Variants in VOPP1 observed in about 807,000 individuals in gnomAD.
The protein encoded by VOPP1 is VOPP1 WW domain binding protein, also known as WW domain binding protein VOPP1.
VOPP1 carries 8 observed loss-of-function variants against 23.5 expected under a neutral mutation model. That is an observed-to-expected ratio of 0.34 (90% CI 0.20 to 0.61). The LOEUF is 0.61. VOPP1 is among the 20% of genes least tolerant of loss of function. The pLI is 0.78. For missense variants in VOPP1, 174 were observed against 238.1 expected (o/e 0.73, Z 1.77); for synonymous variants, 83 against 97.3 (o/e 0.85, Z 0.86).
chr7:55,516,750 G>C (rs1795436277), intron 2 of VOPP1, among the ~76,000 whole-genome samples: 1 of 151,928 alleles, frequency 6.6e-6, no homozygotes, highest in African/African-American at 2.4e-5. Context: ...ATTTTCTGCA[G>C]GGGAAGGAAA....
chr7:55,496,919 G>A (rs1793994172), intron 3 of VOPP1, among the ~76,000 whole-genome samples: 1 of 152,224 alleles, frequency 6.6e-6, no homozygotes, highest in Admixed American at 6.5e-5. Context: ...TACAAGAAAT[G>A]CTGCTTTGGT....
chr7:55,572,304 C>T lies in VOPP1; in HGVS notation c.21G>A (p.Lys7=). The change falls in exon 1 of 5, where the codon AAG becomes AAA. Residue 7 remains lysine, a synonymous_variant. Coordinates refer to ENST00000285279, the MANE Select transcript of VOPP1 (RefSeq NM_030796.5). The part of the protein sequence containing the change: MRRQPA[K]VAALLLGLLL... The stretch of plus-strand genomic sequence containing the variant: ...GCAGCCCGAGCAGCAGCGCCGCCAC[C>T]TTCGCAGGCTGGCGCCTCATGGCTC... 8 of 1,510,412 alleles carry T rather than the reference C, an allele frequency of 5.3e-6. No homozygotes were observed. The highest frequency in any genetic ancestry group is 7.0e-6 in the Non-Finnish European group (8 of 1,138,368). 93.6% of individuals were successfully genotyped at this position (1,510,412 alleles called of 1,614,324 possible). A position where few individuals can be genotyped will look rare whatever the true frequency, so the allele number is the denominator to read the frequency against.
intron 1 of VOPP1, among the ~76,000 whole-genome samples, chr7:55,541,467 G>T (rs1234677171): frequency 1.3e-5 from 2 of 152,182 alleles, no homozygotes; most frequent in African/African-American, 4.8e-5. Context: ...ACAATAACAA[G>T]TATTGGCGAA....
chr7:55,494,182 A>G (rs1793782733), intron 3 of VOPP1, among the ~76,000 whole-genome samples: 1 of 152,242 alleles, frequency 6.6e-6, no homozygotes, highest in Non-Finnish European at 1.5e-5. Context: ...CTCGGCATCA[A>G]GAACACTCAC....
At chr7:55,513,376 C>T (rs1365827982) in intron 2 of VOPP1, among the ~76,000 whole-genome samples, 2 of 152,194 alleles carry the variant, frequency 1.3e-5, no homozygotes, top group Non-Finnish European at 2.9e-5. Context: ...AGCGGTTTGA[C>T]AACATGCAGC....
At chr7:55,544,478 C>T (rs1249653558) in intron 1 of VOPP1, among the ~76,000 whole-genome samples, 1 of 151,950 alleles carries the variant, frequency 6.6e-6, no homozygotes, top group African/African-American at 2.4e-5. Context: ...TGGTGTCCAT[C>T]GGATGAAAAA....
At chr7:55,451,107 CCTT>C (rs1262905084) in intron 4 of VOPP1, among the ~76,000 whole-genome samples, 11 of 152,178 alleles carry the variant, frequency 7.2e-5, no homozygotes, top group Non-Finnish European at 1.5e-4. Context: ...ATTCCCTTCA[CCTT>C]CTTCTTGCGG....
At chr7:55,501,738 G>A (rs1453466579) in intron 2 of VOPP1, among the ~76,000 whole-genome samples, 1 of 152,124 alleles carries the variant, frequency 6.6e-6, no homozygotes, top group African/African-American at 2.4e-5. Flanking sequence ...ACGTGCTGAT[G>A]GTGAGGGAGG....
At position 55,551,433 on chromosome 7, in the gene VOPP1, C is replaced by CT. The variant is rs35480105; in HGVS notation, c.54+20837dup. ...AATGCTTTCCCTTCAAAATCGGGTT[C>CT]TGAGTGCTCCCCAAAGCATGCCTCG... On this transcript the variant is annotated intron_variant, in intron 1 of 4. Transcript: ENST00000285279. 7.4e-3 allele frequency among the ~76,000 whole-genome samples: 1,121 copies of CT among 152,354 alleles called. 40 individuals are homozygous for CT. Among genetic ancestry groups the CT allele is most frequent in the Admixed American group, 0.065 (989 of 15,304 alleles).
intron 4 of VOPP1, among the ~76,000 whole-genome samples, chr7:55,454,734 C>T (rs779161630): frequency 1.4e-4 from 21 of 152,090 alleles, no homozygotes; most frequent in African/African-American, 2.9e-4. Context: ...AAAAGGTCTT[C>T]GACAAAATTC....
chr7:55,445,220 C>CACACACAGACAT, intron 4 of VOPP1, among the ~76,000 whole-genome samples: 1 of 148,792 alleles, frequency 6.7e-6, no homozygotes. Context: ...CACACAGACA[C>CACACACAGACAT]ACACACACAG....
At chr7:55,522,188 C>T (rs866711124) in intron 1 of VOPP1, among the ~76,000 whole-genome samples, 11 of 152,188 alleles carry the variant, frequency 7.2e-5, no homozygotes, top group South Asian at 2.1e-4. Flanking sequence ...CCTCCTGCCA[C>T]GATTGCCCTG....
rs572527405 is a variant in VOPP1 at position 55,540,743 on chromosome 7, T to A, written c.55-19613A>T. Among the ~76,000 whole-genome samples the A allele has an allele frequency of 3.9e-5, 6 of 152,334 alleles. No homozygotes were observed. The South Asian group carries it at 1.2e-3, about 32-fold the overall frequency. ...CTAAGTGTCAGGTCTTCACCTCCGC[T>A]GCGGCCTCAACGCAGGGAATTTACT... On this transcript the variant is annotated intron_variant, in intron 1 of 4. Coordinates refer to ENST00000285279, the MANE Select transcript of VOPP1 (RefSeq NM_030796.5).
chr7:55,450,845 A>G (rs1014818895), intron 4 of VOPP1, among the ~76,000 whole-genome samples: 9 of 152,236 alleles, frequency 5.9e-5, no homozygotes, highest in South Asian at 2.1e-4. Flanking sequence ...TGTGCACTGA[A>G]TACTAGGTCT....
chr7:55,442,500 C>A (rs749118855), intron 4 of VOPP1, among the ~76,000 whole-genome samples: 25 of 152,252 alleles, frequency 1.6e-4, no homozygotes, highest in Admixed American at 7.8e-4. Context: ...GTGTCTCAAC[C>A]TGACAAGGAT....
At chr7:55,550,365 A>G (rs1465588072) in intron 1 of VOPP1, among the ~76,000 whole-genome samples, 1 of 152,242 alleles carries the variant, frequency 6.6e-6, no homozygotes, top group Admixed American at 6.5e-5. Context: ...CACAGGCAAC[A>G]CTTATTTTTG....
At chr7:55,560,282 G>A (rs117169108) in intron 1 of VOPP1, among the ~76,000 whole-genome samples, 1,668 of 152,182 alleles carry the variant, frequency 0.011, 11 homozygotes, top group Middle Eastern at 0.02. Context: ...AGATGTCATC[G>A]TCCTAATCCA....
intron 3 of VOPP1, among the ~76,000 whole-genome samples, chr7:55,496,153 C>A (rs76762070): frequency 0.011 from 1,675 of 152,330 alleles, 11 homozygotes; most frequent in Middle Eastern, 0.02. Flanking sequence ...GAACGCTGAC[C>A]AGCTTTTTCA....
At chr7:55,515,964 A>T in intron 2 of VOPP1, 1 of 985,498 alleles carries the variant, frequency 1.0e-6, no homozygotes, top group Non-Finnish European at 1.2e-6. Context: ...GGGCTCCAGG[A>T]AGCTCACACG....
Sources: gnomAD v4.1 joint callset for allele counts (sites outside exome capture counted in the v4.1 genomes callset) on GRCh38, gnomAD v4.1.1 for gene constraint, MANE v1.5 for transcripts, NCBI Gene and HGNC (gene_info 2026-07-23, HGNC 2026-07-21) for gene names.